Variants in GGA3 observed in about 807,000 individuals in gnomAD.
GGA3 encodes ADP-ribosylation factor-binding protein GGA3.
Under a neutral mutation model 77.5 loss-of-function variants are expected in GGA3, and 57 were observed. The ratio of observed to expected loss-of-function variants is 0.74; its 90% CI spans 0.59 to 0.92. The LOEUF is 0.92. Among genes scored for constraint, GGA3 ranks in the 40% least tolerant of loss-of-function variants. The probability of loss-of-function intolerance (pLI) is 0.00; values close to 1 mark genes in which losing one functional copy is unlikely to be tolerated. For missense variants in GGA3, 970 were observed against 914.9 expected, an observed-to-expected ratio of 1.06 and a Z score of -0.78; for synonymous variants, 416 against 383.7, an observed-to-expected ratio of 1.08 and a Z score of -0.98.
Position 75,239,049 on chromosome 17 carries a change from G to A in GGA3, c.1815C>T (p.Asn605=), listed in dbSNP as rs1029181435. 5.6e-6 allele frequency: 9 copies of A among 1,613,710 alleles called. No homozygotes were observed. Among genetic ancestry groups the A allele is most frequent in the African/African-American group, 1.3e-5 (1 of 74,928 alleles). ...SALPVTAYDK[N]GFRILFHFAK... is the part of the protein sequence containing the mutation. ...CAAAGTGGAAGAGGATGCGGAAGCCGTTTTTATCGTAGGCTGTCACAGGAA... is the reference window on the plus strand; with the variant it reads ...CAAAGTGGAAGAGGATGCGGAAGCCATTTTTATCGTAGGCTGTCACAGGAA... The change falls in exon 15 of 17, where the codon AAC becomes AAT. Residue 605 remains asparagine, a synonymous_variant. Coordinates refer to ENST00000537686, the MANE Select transcript of GGA3 (RefSeq NM_138619.4).
chr17:75,246,099 ATTGT>A (rs1189413199), intron 3 of GGA3, among the ~76,000 whole-genome samples: 5 of 152,218 alleles, frequency 3.3e-5, no homozygotes, highest in South Asian at 2.1e-4. Flanking sequence ...AGTGACTGGC[ATTGT>A]TTAACTACAG....
intron 1 of GGA3, among the ~76,000 whole-genome samples, chr17:75,250,247 A>G (rs932799529): frequency 8.5e-5 from 13 of 152,118 alleles, no homozygotes; most frequent in African/African-American, 3.1e-4. Flanking sequence ...GCCTTCCCGA[A>G]CCGCCCCTCC....
chr17:75,239,313 G>T, intron 14 of GGA3, 62 bp downstream of exon 14: 2 of 1,373,220 alleles, frequency 1.5e-6, no homozygotes, highest in Admixed American at 2.3e-5. Context: ...CCTGTCGCAT[G>T]TCCTACAGCT....
rs548376478 is a variant in GGA3, at chr17:75,243,891, G to A, written c.301-321C>T. On this transcript the variant is annotated intron_variant, in intron 4 of 16. Coordinates refer to ENST00000537686, the MANE Select transcript of GGA3 (RefSeq NM_138619.4). Reference sequence around the variant, plus strand: ...AGTAGGGGTGGCGTCCCCATTTGCCGCCTGGGATCATCTAACTTGCCCAGG... The same window carrying A: ...AGTAGGGGTGGCGTCCCCATTTGCCACCTGGGATCATCTAACTTGCCCAGG... Among the ~76,000 whole-genome samples the A allele has an allele frequency of 3.2e-4, 49 of 152,196 alleles. 1 individual carries two copies. Among genetic ancestry groups the A allele is most frequent in the Admixed American group, 2.7e-3 (41 of 15,280 alleles).
chr17:75,242,735 G>C, intron 7 of GGA3, 96 bp downstream of exon 7: 1 of 1,100,182 alleles, frequency 9.1e-7, no homozygotes, highest in Non-Finnish European at 1.4e-6. Context: ...TGGCAGCAGG[G>C]GAGAACAAAA....
intron 2 of GGA3, 58 bp downstream of exon 2, chr17:75,246,654 G>T: frequency 6.3e-7 from 1 of 1,591,666 alleles, no homozygotes; most frequent in Non-Finnish European, 8.6e-7. Context: ...CCTTGGCCAT[G>T]GTTGTTCCCC....
At chr17:75,244,443 G>A (rs1237582966) in intron 4 of GGA3, 176 bp downstream of exon 4, 1 of 609,218 alleles carries the variant, frequency 1.6e-6, no homozygotes, top group Non-Finnish European at 3.0e-6. Context: ...AAAGCTGCCG[G>A]TCCCTGTGGC....
intron 10 of GGA3, 124 bp downstream of exon 10, chr17:75,241,276 T>C: frequency 1.3e-6 from 1 of 779,908 alleles, no homozygotes; most frequent in Non-Finnish European, 2.2e-6. Context: ...TTGCTTGGAA[T>C]GGCAAAGAAC....
At chr17:75,261,859 G>A, upstream of GGA3, 1 of 1,587,394 alleles carries the variant, frequency 6.3e-7, no homozygotes, top group East Asian at 2.2e-5. Context: ...TCGCTCAGGC[G>A]CGCCGAGGGC....
chr17:75,241,521 A>G lies in GGA3; in HGVS notation c.830-5T>C, dbSNP rs1181914007. On this transcript the variant is annotated splice_region_variant and splice_polypyrimidine_tract_variant and intron_variant, in intron 9 of 16. Coordinates refer to ENST00000537686, the MANE Select transcript of GGA3 (RefSeq NM_138619.4). ...CACTGGCTTGCAGGATGTCCCCTGG[A>G]GCAGGAAAGAGAGACTTCTCACTCC... 1.2e-6 allele frequency: 2 copies of G among 1,609,662 alleles called. No individual in the cohort carries two copies. The highest frequency in any genetic ancestry group is 2.2e-5 in the South Asian group (2 of 90,982).
intron 5 of GGA3, 53 bp from the exon 6 acceptor site, chr17:75,243,219 C>T (rs766320409): frequency 2.2e-6 from 3 of 1,341,078 alleles, no homozygotes; most frequent in African/African-American, 1.5e-5. Context: ...CCTTGTCACC[C>T]CTCCTCATAC....
chr17:75,256,938 G>A (rs112850638), intron 1 of GGA3, among the ~76,000 whole-genome samples: 8,794 of 151,148 alleles, frequency 0.058, 294 homozygotes, highest in Middle Eastern at 0.13. Context: ...CAATTCCTCA[G>A]TTTAGCCTTC....
rs1277522488 is a variant in GGA3 at position 75,237,758 on chromosome 17, C to T, written c.*521G>A. ...TGCCAGTTCCTTATTCTGGGCCAGG[C>T]ACCTTCCTGGGCCACCTCCCTGGGG... is the stretch of plus-strand genomic sequence containing the variant. On this transcript the variant is annotated 3_prime_UTR_variant, in exon 17 of 17. Coordinates refer to ENST00000537686, the MANE Select transcript of GGA3 (RefSeq NM_138619.4). 3 of 1,431,134 alleles carry T rather than the reference C, an allele frequency of 2.1e-6. No homozygotes were observed. Among genetic ancestry groups the T allele is most frequent in the African/African-American group, 1.4e-5 (1 of 69,616 alleles). 88.7% of individuals were successfully genotyped at this position (1,431,134 alleles called of 1,614,324 possible). A position where few individuals can be genotyped will look rare whatever the true frequency, so the allele number is the denominator to read the frequency against.
Position 75,244,415 on chromosome 17 carries a change from G to C in GGA3, c.300+204C>G, listed in dbSNP as rs1008321151. On this transcript the variant is annotated intron_variant, in intron 4 of 16. Coordinates refer to ENST00000537686, the MANE Select transcript of GGA3 (RefSeq NM_138619.4). ...CTACCACATCACCTGTCAGATTTGG[G>C]CTGAGGGCGCTTCAGAAAAAGCTGC... is the stretch of plus-strand genomic sequence containing the variant. The C allele has an allele frequency of 4.8e-5, 26 of 539,084 alleles. No individual in the cohort carries two copies. In the South Asian group the frequency reaches 4.9e-4, roughly 10 times the overall value. 33.4% of individuals were successfully genotyped at this position (539,084 alleles called of 1,614,324 possible). A position where few individuals can be genotyped will look rare whatever the true frequency, so the allele number is the denominator to read the frequency against.
intron 1 of GGA3, among the ~76,000 whole-genome samples, chr17:75,257,418 G>C (rs1394638354): frequency 6.6e-6 from 1 of 151,988 alleles, no homozygotes; most frequent in Non-Finnish European, 1.5e-5. Context: ...AGCCATCACA[G>C]GTGATATCTC....
At position 75,237,381 on chromosome 17, in the gene GGA3, G is replaced by A. The variant is rs1598377805; in HGVS notation, c.*898C>T. On this transcript the variant is annotated 3_prime_UTR_variant, in exon 17 of 17. Transcript: ENST00000537686. ...CCACACCACATGCCATCTGGTGAGA[G>A]GAGAGGGAGGCCAAAGCAGTAGGAT... 2 of 1,077,484 alleles carry A rather than the reference G, an allele frequency of 1.9e-6. No individual in the cohort carries two copies. Among genetic ancestry groups the A allele is most frequent in the Middle Eastern group, 2.1e-4 (1 of 4,764 alleles). 66.7% of individuals were successfully genotyped at this position (1,077,484 alleles called of 1,614,324 possible).
Position 75,238,973 on chromosome 17 carries a change from T to C in GGA3, c.1891A>G (p.Met631Val). The change falls in exon 15 of 17, where the codon ATG becomes GTG. Residue 631 changes from methionine to valine, a missense_variant. By Grantham distance (21) the Met-to-Val change is conservative. Coordinates refer to ENST00000537686, the MANE Select transcript of GGA3 (RefSeq NM_138619.4). ...ACAGGTAAGGGAGCCGTGTTCAGCA[T>C]GGACACCACCACCACCAGCACGTCA... ...RPDVLVVVVS[M>V]LNTAPLPVKS... 6.2e-7 allele frequency: 1 copy of C among 1,614,108 alleles called. No homozygotes were observed. The highest frequency in any genetic ancestry group is 8.5e-7 in the Non-Finnish European group (1 of 1,180,024).
intron 1 of GGA3, among the ~76,000 whole-genome samples, chr17:75,249,755 G>C (rs952914818): frequency 3.3e-5 from 5 of 151,860 alleles, no homozygotes; most frequent in Non-Finnish European, 1.5e-5. Context: ...CTTTTTGCAC[G>C]GGGAAAAGCA....
chr17:75,247,331 C>T (rs1363022927), intron 1 of GGA3, among the ~76,000 whole-genome samples: 6 of 151,294 alleles, frequency 4.0e-5, no homozygotes, highest in Admixed American at 2.0e-4. Flanking sequence ...GGCACGATCT[C>T]GGCTCATTGC....
Sources: allele counts gnomAD v4.1 joint callset (sites outside exome capture counted in the v4.1 genomes callset), GRCh38; gene constraint gnomAD v4.1.1; transcripts MANE v1.5; gene names NCBI Gene and HGNC (gene_info 2026-07-23, HGNC 2026-07-21).